ZSCAN5A: variants seen among roughly 807,000 people sequenced by gnomAD.
ZSCAN5A encodes zinc finger and SCAN domain containing 5A, also known as zinc finger and SCAN domain-containing protein 5A.
Under a neutral mutation model 23.7 loss-of-function variants are expected in ZSCAN5A, and 12 were observed. That is an observed-to-expected ratio of 0.51 (90% confidence interval 0.32 to 0.82). The LOEUF is 0.82. Among genes scored for constraint, ZSCAN5A ranks in the 40% least tolerant of loss-of-function variants. ZSCAN5A has a pLI of 0.03. For missense variants in ZSCAN5A, 597 were observed against 617.9 expected, an observed-to-expected ratio of 0.97 and a Z score of 0.36; for synonymous variants, 257 against 239.9, an observed-to-expected ratio of 1.07 and a Z score of -0.66.
rs556110139 is a variant in ZSCAN5A, at chr19:56,286,377, C to T, written c.-128+26906G>A. ...AAAACACTGCCCCCCATATTTTTTT[C>T]ACAGACGGACTGAACCCCAACAGGT... On this transcript the variant is annotated intron_variant, in intron 2 of 5. Coordinates refer to ENST00000683990, the MANE Select transcript of ZSCAN5A (RefSeq NM_001322064.3). The T allele has an allele frequency of 3.3e-5, 5 of 152,146 alleles. No individual in the cohort carries two copies. The South Asian group carries it at 8.3e-4, about 25-fold the overall frequency. 9.4% of individuals were successfully genotyped at this position (152,146 alleles called of 1,614,324 possible). A position where few individuals can be genotyped will look rare whatever the true frequency, so the allele number is the denominator to read the frequency against.
intron 2 of ZSCAN5A, among the ~76,000 whole-genome samples, chr19:56,286,860 G>A (rs2039163320): frequency 6.6e-6 from 1 of 152,218 alleles, no homozygotes; most frequent in African/African-American, 2.4e-5. Flanking sequence ...GCGAATGCTA[G>A]TGGGGCTTCC....
At chr19:56,278,185 G>C (rs1031648397) in intron 2 of ZSCAN5A, among the ~76,000 whole-genome samples, 1 of 151,716 alleles carries the variant, frequency 6.6e-6, no homozygotes, top group Non-Finnish European at 1.5e-5. Flanking sequence ...ACAGTGGCAC[G>C]GTCTCGGCTC....
intron 2 of ZSCAN5A, chr19:56,302,140 G>A: frequency 8.2e-7 from 1 of 1,218,420 alleles, no homozygotes; most frequent in Non-Finnish European, 1.0e-6. Context: ...AGGAGAGGAA[G>A]GAAAGAGGAG....
intron 2 of ZSCAN5A, chr19:56,280,739 CAGAG>C (rs2038630101): frequency 6.6e-6 from 1 of 152,144 alleles, no homozygotes; most frequent in Non-Finnish European, 1.5e-5. Context: ...GAAACAGAGA[CAGAG>C]AGCTCAGAGC....
chr19:56,307,301 ACCCCCACCC>A (rs2040754634), intron 2 of ZSCAN5A, among the ~76,000 whole-genome samples: 1 of 152,076 alleles, frequency 6.6e-6, no homozygotes, highest in Non-Finnish European at 1.5e-5. Flanking sequence ...CATACGATAT[ACCCCCACCC>A]CCTGCTGCAG....
At chr19:56,329,027 A>AAATG (rs1568754547) in intron 2 of ZSCAN5A, among the ~76,000 whole-genome samples, 9 of 150,446 alleles carry the variant, frequency 6.0e-5, no homozygotes, top group African/African-American at 2.2e-4. Context: ...ATAAATAAAT[A>AAATG]AAAGAAATGT....
At chr19:56,337,488 T>C (rs1568758234) in intron 2 of ZSCAN5A, among the ~76,000 whole-genome samples, 1 of 152,198 alleles carries the variant, frequency 6.6e-6, no homozygotes, top group African/African-American at 2.4e-5. Context: ...TGTTACCCCT[T>C]TCTTTGACTA....
At chr19:56,282,421 C>A (rs2038781880) in intron 2 of ZSCAN5A, 37 of 917,494 alleles carry the variant, frequency 4.0e-5, no homozygotes, top group Non-Finnish European at 4.6e-5. Context: ...TCTCTCTGAA[C>A]CTTCATTGGC....
At chr19:56,273,752 G>A (rs1378094982) in intron 2 of ZSCAN5A, among the ~76,000 whole-genome samples, 1 of 152,186 alleles carries the variant, frequency 6.6e-6, no homozygotes, top group East Asian at 1.9e-4. Context: ...CAGGAGGCAG[G>A]AAACAGAACA....
At chr19:56,363,982 G>A (rs1249896646) in intron 1 of ZSCAN5A, among the ~76,000 whole-genome samples, 1 of 152,228 alleles carries the variant, frequency 6.6e-6, no homozygotes, top group Non-Finnish European at 1.5e-5. Context: ...GCAACCACTT[G>A]ATAGAGAAAT....
At chr19:56,230,101 CATTATTATTATATT>C (rs1279856121) in intron 2 of ZSCAN5A, among the ~76,000 whole-genome samples, 1 of 152,036 alleles carries the variant, frequency 6.6e-6, no homozygotes, top group Admixed American at 6.6e-5. Flanking sequence ...TTTCCCAACA[CATTATTATTATATT>C]ATTATTATTA....
Position 56,237,578 on chromosome 19 carries a change from C to T in ZSCAN5A, c.-127-12405G>A, listed in dbSNP as rs151178892. ...TTTATCAGGATGTGACTTCGCTGTA[C>T]GTTGAAGAGCATCCACACTGTATCG... On this transcript the variant is annotated intron_variant, in intron 2 of 5. Transcript: ENST00000683990. Among the ~76,000 whole-genome samples, 352 of 152,166 alleles carry T rather than the reference C, an allele frequency of 2.3e-3. 4 individuals are homozygous for T. Among genetic ancestry groups the T allele is most frequent in the South Asian group, 6.0e-3 (29 of 4,824 alleles).
chr19:56,228,205 G>A (rs1017488011), intron 2 of ZSCAN5A: 26 of 983,840 alleles, frequency 2.6e-5, no homozygotes, highest in Admixed American at 6.2e-5. Context: ...ACCAACCCCC[G>A]ACATGCCAGC....
chr19:56,337,482 AC>A (rs2041550588), intron 2 of ZSCAN5A, among the ~76,000 whole-genome samples: 1 of 152,142 alleles, frequency 6.6e-6, no homozygotes, highest in African/African-American at 2.4e-5. Flanking sequence ...GCCATCTGTT[AC>A]CCCTTTCTTT....
chr19:56,340,732 A>C (rs571744708), intron 2 of ZSCAN5A: 37 of 152,338 alleles, frequency 2.4e-4, no homozygotes, highest in African/African-American at 8.4e-4. Flanking sequence ...TGGAATAAGA[A>C]GGAGATATAC....
At position 56,258,898 on chromosome 19, in the gene ZSCAN5A, C is replaced by T. The variant is rs55877954; in HGVS notation, c.-127-33725G>A. Among the ~76,000 whole-genome samples the T allele has an allele frequency of 7.1e-3, 1,078 of 152,228 alleles. 8 individuals are homozygous for T. The highest frequency in any genetic ancestry group is 0.011 in the Non-Finnish European group (735 of 68,016). On this transcript the variant is annotated intron_variant, in intron 2 of 5. Coordinates refer to ENST00000683990, the MANE Select transcript of ZSCAN5A (RefSeq NM_001322064.3). Reference sequence around the variant, plus strand: ...AAGGCCTCAGTTCCCCTCAGCTGTCCCATTGTCCAGAGGCTGCCATGTTGT... The same window carrying T: ...AAGGCCTCAGTTCCCCTCAGCTGTCTCATTGTCCAGAGGCTGCCATGTTGT...
At chr19:56,240,906 G>A (rs1490466998) in intron 2 of ZSCAN5A, among the ~76,000 whole-genome samples, 1 of 152,094 alleles carries the variant, frequency 6.6e-6, no homozygotes, top group Non-Finnish European at 1.5e-5. Context: ...ATGGGGTCTC[G>A]GTATGTTGCA....
At position 56,246,881 on chromosome 19, in the gene ZSCAN5A, C is replaced by T. The variant is rs566943699; in HGVS notation, c.-127-21708G>A. On this transcript the variant is annotated intron_variant, in intron 2 of 5. Coordinates refer to ENST00000683990, the MANE Select transcript of ZSCAN5A (RefSeq NM_001322064.3). ...GGAGACGCTCTGAATCTGAGATGTC[C>T]CAAAAGAAGCAAACCAGACGCCACC... 244 of 1,610,016 alleles carry T rather than the reference C, an allele frequency of 1.5e-4. 1 individual carries two copies. The highest frequency in any genetic ancestry group is 1.1e-3 in the African/African-American group (80 of 74,902).
At chr19:56,281,120 G>A (rs112730633) in intron 2 of ZSCAN5A, among the ~76,000 whole-genome samples, 1,995 of 152,264 alleles carry the variant, frequency 0.013, 45 homozygotes, top group African/African-American at 0.045. Flanking sequence ...GGAAGCTAGA[G>A]AAAAGAAAAT....
Sources: gnomAD v4.1 joint callset for allele counts (sites outside exome capture counted in the v4.1 genomes callset) on GRCh38, gnomAD v4.1.1 for gene constraint, MANE v1.5 for transcripts, NCBI Gene and HGNC (gene_info 2026-07-23, HGNC 2026-07-21) for gene names.